MOB4: variants seen among roughly 807,000 people sequenced by gnomAD.
MOB4 encodes the protein MOB family member 4, phocein.
MOB4 carries 4 observed loss-of-function variants against 32.2 expected under a neutral mutation model. The ratio of observed to expected loss-of-function variants is 0.12; its 90% CI spans 0.06 to 0.28. MOB4 has a LOEUF of 0.28. Among genes scored for constraint, MOB4 ranks in the 10% least tolerant of loss-of-function variants. MOB4 has a pLI of 1.00. For synonymous variants in MOB4, 88 were observed against 88.1 expected, an observed-to-expected ratio of 1.00 and a Z score of 0.01; for missense variants, 158 against 271.2, an observed-to-expected ratio of 0.58 and a Z score of 2.93.
At position 197,516,518 on chromosome 2, in the gene MOB4, C is replaced by G. The variant is rs1232091537; in HGVS notation, c.60+372C>G. 6 of 699,398 alleles carry G rather than the reference C, an allele frequency of 8.6e-6. No homozygotes were observed. In the Admixed American group the frequency reaches 1.4e-4, roughly 17 times the overall value. 43.3% of individuals were successfully genotyped at this position (699,398 alleles called of 1,614,324 possible). A position where few individuals can be genotyped will look rare whatever the true frequency, so the allele number is the denominator to read the frequency against. Reference sequence around the variant, plus strand: ...GCCTGGTGGAGACCCCCGGGGTTTCCTGAAGGTCGGGGCCGCTGAGGTGGG... The same window carrying G: ...GCCTGGTGGAGACCCCCGGGGTTTCGTGAAGGTCGGGGCCGCTGAGGTGGG... On this transcript the variant is annotated intron_variant, in intron 1 of 7. Transcript: ENST00000323303.
chr2:197,542,988 G>C (rs917500079), intron 5 of MOB4, among the ~76,000 whole-genome samples: 51 of 150,074 alleles, frequency 3.4e-4, no homozygotes. Flanking sequence ...ATTGAAATAT[G>C]CTGTAAACAC....
chr2:197,522,220 A>T (rs1407551675), intron 1 of MOB4, among the ~76,000 whole-genome samples: 1 of 152,006 alleles, frequency 6.6e-6, no homozygotes, highest in Non-Finnish European at 1.5e-5. Flanking sequence ...AGTTTTTTTT[A>T]AATGTACAAT....
chr2:197,540,290 C>A lies in MOB4; in HGVS notation c.268-61C>A, dbSNP rs562946621. 4.1e-6 allele frequency: 6 copies of A among 1,467,582 alleles called. No individual in the cohort carries two copies. The East Asian group carries it at 1.3e-4, about 31-fold the overall frequency. 90.9% of individuals were successfully genotyped at this position (1,467,582 alleles called of 1,614,324 possible). Reference sequence around the variant, plus strand: ...GAATTTATTATGGAAATATAGTAACCTAAATGATAAGCTTTTTCATTATTA... The same window carrying A: ...GAATTTATTATGGAAATATAGTAACATAAATGATAAGCTTTTTCATTATTA... On this transcript the variant is annotated intron_variant, in intron 4 of 7. Coordinates refer to ENST00000323303, the MANE Select transcript of MOB4 (RefSeq NM_015387.5).
rs149418869 is a variant in MOB4, at chr2:197,539,374, A to C, written c.225-737A>C. Among the ~76,000 whole-genome samples the C allele has an allele frequency of 5.2e-4, 73 of 140,346 alleles. 2 individuals carry two copies. The South Asian group carries it at 8.4e-3, about 16-fold the overall frequency. The allele number at this position is 140,346 out of a possible 152,430, so 92.1% of individuals were successfully genotyped here. ...TACTCTGTTTCCCAGGCTGGAGTGCAGTAGTGTGATCTTGGCTCACTGCAA... is the reference window on the plus strand; with the variant it reads ...TACTCTGTTTCCCAGGCTGGAGTGCCGTAGTGTGATCTTGGCTCACTGCAA... On this transcript the variant is annotated intron_variant, in intron 3 of 7. Transcript: ENST00000323303.
At chr2:197,529,169 G>C (rs1403335636) in intron 2 of MOB4, among the ~76,000 whole-genome samples, 2 of 151,354 alleles carry the variant, frequency 1.3e-5, no homozygotes, top group African/African-American at 4.9e-5. Context: ...GTACAGACAG[G>C]GTTTCACCAT....
intron 3 of MOB4, among the ~76,000 whole-genome samples, chr2:197,539,317 A>ATTTTTT (rs35362424): frequency 7.9e-6 from 1 of 126,722 alleles, no homozygotes; most frequent in Non-Finnish European, 1.6e-5. Flanking sequence ...TTGTAATGTA[A>ATTTTTT]TTTTTTTTTT....
chr2:197,539,993 G>C lies in MOB4; in HGVS notation c.225-118G>C, dbSNP rs535887803. 89 of 1,102,170 alleles carry C rather than the reference G, an allele frequency of 8.1e-5. No individual in the cohort carries two copies. The African/African-American group carries it at 9.8e-4, about 12-fold the overall frequency. 68.3% of individuals were successfully genotyped at this position (1,102,170 alleles called of 1,614,324 possible). ...TGTCATTGTCAGTTTAGGTGGTTTT[G>C]AGAATGGTAATGAGGGAGGAGGGAT... On this transcript the variant is annotated intron_variant, in intron 3 of 7. Coordinates refer to ENST00000323303, the MANE Select transcript of MOB4 (RefSeq NM_015387.5).
intron 1 of MOB4, chr2:197,516,670 T>G (rs1189547660): frequency 2.1e-6 from 1 of 471,698 alleles, no homozygotes; most frequent in Admixed American, 2.3e-5. Flanking sequence ...CCTCCTTGTT[T>G]CCCTTTGACC....
At chr2:197,538,216 T>C (rs2086836247) in intron 3 of MOB4, among the ~76,000 whole-genome samples, 1 of 151,978 alleles carries the variant, frequency 6.6e-6, no homozygotes, top group Non-Finnish European at 1.5e-5. Context: ...AAACATTACA[T>C]AAAACTTTAC....
At chr2:197,526,652 T>C (rs2086616748) in intron 2 of MOB4, among the ~76,000 whole-genome samples, 1 of 152,208 alleles carries the variant, frequency 6.6e-6, no homozygotes, top group African/African-American at 2.4e-5. Flanking sequence ...TTTCTTTAAA[T>C]GTTTACTAGT....
chr2:197,527,184 G>A (rs1024637729), intron 2 of MOB4, among the ~76,000 whole-genome samples: 8 of 151,768 alleles, frequency 5.3e-5, no homozygotes, highest in Non-Finnish European at 7.4e-5. Context: ...AAAGGGGGGC[G>A]TCGATTGGAA....
intron 3 of MOB4, among the ~76,000 whole-genome samples, chr2:197,537,678 G>A (rs1009141134): frequency 1.3e-5 from 2 of 152,180 alleles, no homozygotes; most frequent in African/African-American, 4.8e-5. Context: ...GTACGAGTCT[G>A]TAGATATTTT....
At chr2:197,521,556 G>C (rs1289871932) in intron 1 of MOB4, among the ~76,000 whole-genome samples, 1 of 152,148 alleles carries the variant, frequency 6.6e-6, no homozygotes, top group East Asian at 1.9e-4. Context: ...TAATAAGCCT[G>C]GGAGCACTAT....
intron 1 of MOB4, chr2:197,516,771 A>C (rs146696951): frequency 2.1e-6 from 1 of 471,084 alleles, no homozygotes; most frequent in South Asian, 1.5e-5. Context: ...TTCCTTGCTA[A>C]TATGCGTGAA....
chr2:197,543,986 C>T (rs2086945040), intron 5 of MOB4, among the ~76,000 whole-genome samples: 1 of 151,792 alleles, frequency 6.6e-6, no homozygotes, highest in African/African-American at 2.4e-5. Flanking sequence ...GTGATCCGCC[C>T]ACCTCAGCCT....
intron 2 of MOB4, among the ~76,000 whole-genome samples, chr2:197,525,486 A>G (rs1197876476): frequency 6.6e-6 from 1 of 152,174 alleles, no homozygotes; most frequent in Admixed American, 6.5e-5. Context: ...CTGTAATCTT[A>G]GTACTTTGGG....
intron 1 of MOB4, among the ~76,000 whole-genome samples, chr2:197,516,952 G>C (rs1192370859): frequency 6.6e-6 from 1 of 152,226 alleles, no homozygotes; most frequent in Non-Finnish European, 1.5e-5. Context: ...CTGATTAATT[G>C]CTAGCCGAAA....
Position 197,552,219 on chromosome 2 carries a change from C to G in MOB4, c.*1573C>G, listed in dbSNP as rs749469841. On this transcript the variant is annotated 3_prime_UTR_variant, in exon 8 of 8. Coordinates refer to ENST00000323303, the MANE Select transcript of MOB4 (RefSeq NM_015387.5). ...GTCATTACTGTTCCCCAACCCACAA[C>G]TATCTTTTAAGAAGTCTTAGTTCAC... is the stretch of plus-strand genomic sequence containing the variant. 3 of 152,292 alleles carry G rather than the reference C, an allele frequency of 2.0e-5. No homozygotes were observed. Among genetic ancestry groups the G allele is most frequent in the Non-Finnish European group, 2.9e-5 (2 of 68,028 alleles). 9.4% of individuals were successfully genotyped at this position (152,292 alleles called of 1,614,324 possible).
upstream of MOB4, chr2:197,516,052 C>T: frequency 1.3e-6 from 2 of 1,560,530 alleles, no homozygotes; most frequent in South Asian, 1.2e-5. Context: ...TCCCTACATC[C>T]GGGTACCGAC....
Sources: gnomAD v4.1 joint callset for allele counts (sites outside exome capture counted in the v4.1 genomes callset) on GRCh38, gnomAD v4.1.1 for gene constraint, MANE v1.5 for transcripts, NCBI Gene and HGNC (gene_info 2026-07-23, HGNC 2026-07-21) for gene names.